MYLK3: variants seen among roughly 807,000 people sequenced by gnomAD.
MYLK3 encodes MLC kinase.
MYLK3 carries 55 observed loss-of-function variants against 76.3 expected under a neutral mutation model. The ratio of observed to expected loss-of-function variants is 0.72; its 90% confidence interval spans 0.58 to 0.90. The LOEUF is 0.90. Ranked by LOEUF, MYLK3 falls within the 40% of genes least tolerant of loss-of-function variation. MYLK3 has a pLI of 0.00. For missense variants in MYLK3, 973 were observed against 1,053.6 expected (o/e 0.92, Z 1.06); for synonymous variants, 416 against 425.4 (o/e 0.98, Z 0.27).
intron 9 of MYLK3, among the ~76,000 whole-genome samples, chr16:46,713,188 A>G (rs1966702011): frequency 7.1e-6 from 1 of 140,708 alleles, no homozygotes; most frequent in Non-Finnish European, 1.5e-5. Flanking sequence ...TATTTATGGT[A>G]TATATGATGC....
exon 1 of MYLK3, chr16:46,763,155 A>G (rs1967302277): frequency 3.0e-6 from 3 of 984,512 alleles, no homozygotes; most frequent in Non-Finnish European, 3.6e-6. Flanking sequence ...TTAAACCTGG[A>G]GGCAGTTAAG....
chr16:46,762,893 T>C (rs1000533046), intron 1 of MYLK3: 54 of 448,108 alleles, frequency 1.2e-4, no homozygotes, highest in Non-Finnish European at 1.5e-4. Flanking sequence ...AGCAAACCCA[T>C]GCACTTGCAA....
upstream of MYLK3, among the ~76,000 whole-genome samples, chr16:46,749,281 C>T (rs147083691): frequency 2.2e-4 from 34 of 152,348 alleles, no homozygotes; most frequent in East Asian, 1.9e-3. Context: ...TCCAGCTCCC[C>T]GTGGGCAGAG....
chr16:46,741,641 G>A (rs1966932576), intron 1 of MYLK3, among the ~76,000 whole-genome samples: 1 of 152,212 alleles, frequency 6.6e-6, no homozygotes, highest in Non-Finnish European at 1.5e-5. Flanking sequence ...AGGCAAGAGA[G>A]GCCGCTGTAT....
intron 1 of MYLK3, among the ~76,000 whole-genome samples, chr16:46,741,295 A>C (rs1966926743): frequency 6.6e-6 from 1 of 152,218 alleles, no homozygotes; most frequent in East Asian, 1.9e-4. Flanking sequence ...TATCAGTGTT[A>C]AATGAGCCCA....
At chr16:46,752,165 C>T (rs918586847), upstream of MYLK3, among the ~76,000 whole-genome samples, 9 of 152,134 alleles carry the variant, frequency 5.9e-5, no homozygotes, top group African/African-American at 2.2e-4. Context: ...CAAGACCCTT[C>T]CCTGGCCTTC....
intron 3 of MYLK3, among the ~76,000 whole-genome samples, chr16:46,734,948 C>T (rs986689709): frequency 6.6e-6 from 1 of 151,860 alleles, no homozygotes; most frequent in Admixed American, 6.6e-5. Flanking sequence ...TCGAGACCAG[C>T]CTGAGCAACA....
In MYLK3 at chr16:46,738,026, A is replaced by G. The variant is rs754980825; in HGVS notation, c.686T>C (p.Val229Ala). The G allele has an allele frequency of 6.2e-7, 1 of 1,612,778 alleles. No homozygotes were observed. Among genetic ancestry groups the G allele is most frequent in the East Asian group, 2.2e-5 (1 of 44,876 alleles). ...AVVSPGQGDG[V>A]PGPAQAFPGH... The stretch of plus-strand genomic sequence containing the variant: ...AGGGAATGCCTGGGCTGGGCCAGGA[A>G]CACCATCTCCCTGGCCCGGTGAGAC... The change falls in exon 3 of 13, where the codon GTT (valine) becomes GCT (alanine). Residue 229 changes from valine to alanine, a missense_variant. By Grantham distance (64) the Val-to-Ala change is moderately conservative. Transcript: ENST00000394809.
At chr16:46,750,065 T>C (rs1403711092), upstream of MYLK3, among the ~76,000 whole-genome samples, 1 of 152,222 alleles carries the variant, frequency 6.6e-6, no homozygotes, top group Non-Finnish European at 1.5e-5. Flanking sequence ...CCAGTCCCTC[T>C]GGGGATTCAC....
intron 10 of MYLK3, among the ~76,000 whole-genome samples, chr16:46,711,431 G>A (rs533987111): frequency 1.3e-5 from 2 of 152,280 alleles, no homozygotes; most frequent in Admixed American, 6.5e-5. Context: ...GAGCACAGGG[G>A]TTCAATGATG....
intron 9 of MYLK3, among the ~76,000 whole-genome samples, chr16:46,714,143 A>C (rs924926436): frequency 6.6e-6 from 1 of 152,188 alleles, no homozygotes; most frequent in African/African-American, 2.4e-5. Flanking sequence ...GAAGAAAAAG[A>C]GTCTCTAGCT....
chr16:46,741,215 T>C (rs1221062771), intron 1 of MYLK3, among the ~76,000 whole-genome samples: 2 of 152,216 alleles, frequency 1.3e-5, no homozygotes, highest in African/African-American at 4.8e-5. Context: ...GCAAATGTCC[T>C]AGAAGTGTGC....
intron 8 of MYLK3, chr16:46,725,699 T>C (rs1361932539): frequency 6.6e-6 from 1 of 152,256 alleles, no homozygotes; most frequent in Non-Finnish European, 1.5e-5. Context: ...TTTGCATCTA[T>C]ATCCATAAGG....
At chr16:46,762,109 G>C (rs995909174) in intron 1 of MYLK3, among the ~76,000 whole-genome samples, 69 of 152,148 alleles carry the variant, frequency 4.5e-4, no homozygotes, top group African/African-American at 1.5e-3. Context: ...CCCCGCAGGC[G>C]GGCAACAGAA....
chr16:46,706,480 G>A lies in MYLK3; in HGVS notation c.*1224C>T, dbSNP rs1966627944. On this transcript the variant is annotated 3_prime_UTR_variant, in exon 13 of 13. Coordinates refer to ENST00000394809, the MANE Select transcript of MYLK3 (RefSeq NM_182493.3). ...CACTAATTTTTGTATTTTTAGTAGA[G>A]ATGGGGTTTCACTGTGTTGGCCAGG... 6.6e-6 allele frequency: 1 copy of A among 152,060 alleles called. No homozygotes were observed. The highest frequency in any genetic ancestry group is 1.9e-4 in the East Asian group (1 of 5,196). The allele number at this position is 152,060 out of a possible 1,614,324, so 9.4% of individuals were successfully genotyped here. A position where few individuals can be genotyped will look rare whatever the true frequency, so the allele number is the denominator to read the frequency against.
intron 1 of MYLK3, among the ~76,000 whole-genome samples, chr16:46,744,825 C>A (rs1251508627): frequency 6.6e-6 from 1 of 152,028 alleles, no homozygotes; most frequent in Non-Finnish European, 1.5e-5. Context: ...TGTAGTAAGA[C>A]CCTGTCTCTA....
chr16:46,722,837 G>A (rs547396785), intron 8 of MYLK3, among the ~76,000 whole-genome samples: 1 of 152,248 alleles, frequency 6.6e-6, no homozygotes, highest in Admixed American at 6.5e-5. Flanking sequence ...AGCCTCCCGA[G>A]TAGCTGGGAT....
intron 1 of MYLK3, among the ~76,000 whole-genome samples, chr16:46,755,458 C>CAA (rs764545267): frequency 2.3e-5 from 2 of 87,362 alleles, no homozygotes; most frequent in Non-Finnish European, 4.7e-5. Context: ...AACTCTGTCT[C>CAA]AAAAAAAAAA....
chr16:46,734,044 A>C (rs1966858334), intron 3 of MYLK3, among the ~76,000 whole-genome samples: 1 of 151,816 alleles, frequency 6.6e-6, no homozygotes, highest in Non-Finnish European at 1.5e-5. Context: ...TGTTTCAGCA[A>C]CTCCACTTCT....
Sources: allele counts gnomAD v4.1 joint callset (sites outside exome capture counted in the v4.1 genomes callset), GRCh38; gene constraint gnomAD v4.1.1; transcripts MANE v1.5; gene names NCBI Gene and HGNC (gene_info 2026-07-23, HGNC 2026-07-21).